Variants in TSHZ2 observed in about 807,000 individuals in gnomAD.
TSHZ2 encodes teashirt homolog 2.
TSHZ2 carries 21 observed loss-of-function variants against 74.4 expected under a neutral mutation model. That is an observed-to-expected ratio of 0.28 (90% CI 0.20 to 0.41). The LOEUF (loss-of-function observed/expected upper bound fraction) is 0.41, where lower values mean the gene tolerates loss of function less well. TSHZ2 is among the 10% of genes least tolerant of loss of function. The pLI is 1.00. For missense variants in TSHZ2, 1,244 were observed against 1,293.5 expected, an observed-to-expected ratio of 0.96 and a Z score of 0.59; for synonymous variants, 540 against 515.3, an observed-to-expected ratio of 1.05 and a Z score of -0.65.
intron 2 of TSHZ2, among the ~76,000 whole-genome samples, chr20:53,333,601 A>G (rs936020064): frequency 2.6e-5 from 4 of 151,976 alleles, no homozygotes; most frequent in African/African-American, 7.3e-5. Context: ...GACTATAGGC[A>G]CCCACCACCA....
chr20:53,347,085 T>C (rs190620704), intron 2 of TSHZ2, among the ~76,000 whole-genome samples: 63 of 152,292 alleles, frequency 4.1e-4, no homozygotes, highest in African/African-American at 1.4e-3. Flanking sequence ...CACCCTACCT[T>C]ATACAAAAGT....
At chr20:53,480,620 A>G (rs528174159) in intron 2 of TSHZ2, among the ~76,000 whole-genome samples, 107 of 152,248 alleles carry the variant, frequency 7.0e-4, no homozygotes, top group Middle Eastern at 3.4e-3. Flanking sequence ...GATGGACAAC[A>G]GCACCTTGTG....
rs1986429030 is a variant in TSHZ2 at position 53,490,884 on chromosome 20, C to A, written c.*3749C>A. 1 of 152,066 alleles carries A rather than the reference C, an allele frequency of 6.6e-6. No homozygotes were observed. The highest frequency in any genetic ancestry group is 2.1e-4 in the South Asian group (1 of 4,832). 9.4% of individuals were successfully genotyped at this position (152,066 alleles called of 1,614,324 possible). A position where few individuals can be genotyped will look rare whatever the true frequency, so the allele number is the denominator to read the frequency against. ...TTTCCAGGGTCTATGGACAATGTGGCAGTAAGAGTCTATGATGTTCTGAAA... is the reference window on the plus strand; with the variant it reads ...TTTCCAGGGTCTATGGACAATGTGGAAGTAAGAGTCTATGATGTTCTGAAA... On this transcript the variant is annotated 3_prime_UTR_variant, in exon 3 of 3. Transcript: ENST00000371497.
In TSHZ2 at chr20:53,488,815, C is replaced by T; in HGVS notation, c.*1680C>T. ...TTGTTTTGGAAATTTTGACATGATC[C>T]CTAAATTCAACATTGGGATTAAAAA... On this transcript the variant is annotated 3_prime_UTR_variant, in exon 3 of 3. Coordinates refer to ENST00000371497, the MANE Select transcript of TSHZ2 (RefSeq NM_173485.6). The T allele has an allele frequency of 6.1e-6, 2 of 330,450 alleles. No homozygotes were observed. Among genetic ancestry groups the T allele is most frequent in the Non-Finnish European group, 1.2e-5 (2 of 169,548 alleles). The allele number at this position is 330,450 out of a possible 1,614,324, so 20.5% of individuals were successfully genotyped here.
intron 2 of TSHZ2, among the ~76,000 whole-genome samples, chr20:53,310,154 C>CT (rs1266387909): frequency 4.6e-5 from 7 of 152,174 alleles, no homozygotes; most frequent in African/African-American, 1.7e-4. Context: ...ACTAAATTGC[C>CT]TTTGCAGGTC....
At chr20:52,977,908 A>AG (rs947049600) in intron 1 of TSHZ2, among the ~76,000 whole-genome samples, 1 of 152,138 alleles carries the variant, frequency 6.6e-6, no homozygotes, top group African/African-American at 2.4e-5. Context: ...ACTTTTGGGG[A>AG]GGGGAGAAAC....
At chr20:53,210,207 T>G (rs1187081792) in intron 1 of TSHZ2, among the ~76,000 whole-genome samples, 1 of 152,220 alleles carries the variant, frequency 6.6e-6, no homozygotes, top group African/African-American at 2.4e-5. Context: ...GTGTGCCGTT[T>G]TAGCCCTGCC....
intron 1 of TSHZ2, among the ~76,000 whole-genome samples, chr20:53,032,734 C>T (rs931837808): frequency 6.6e-6 from 1 of 150,642 alleles, no homozygotes; most frequent in Non-Finnish European, 1.5e-5. Flanking sequence ...TTACTTTTCC[C>T]CATGTCCTGA....
At chr20:53,144,476 T>C (rs1048628177) in intron 1 of TSHZ2, among the ~76,000 whole-genome samples, 11 of 152,216 alleles carry the variant, frequency 7.2e-5, no homozygotes, top group African/African-American at 2.7e-4. Flanking sequence ...TCAGTTACAA[T>C]TTTTGCAAGG....
chr20:53,219,881 A>C (rs1178257848), intron 1 of TSHZ2, among the ~76,000 whole-genome samples: 1 of 152,200 alleles, frequency 6.6e-6, no homozygotes, highest in African/African-American at 2.4e-5. Context: ...GTGGATCCAC[A>C]TTTGGTTCAA....
intron 2 of TSHZ2, among the ~76,000 whole-genome samples, chr20:53,437,865 G>A (rs555229500): frequency 2.0e-5 from 3 of 152,290 alleles, no homozygotes; most frequent in Non-Finnish European, 2.9e-5. Context: ...TCTCTCTTGC[G>A]TGTGATGTGC....
intron 2 of TSHZ2, chr20:53,421,101 C>T (rs1983452207): frequency 6.6e-6 from 1 of 152,272 alleles, no homozygotes; most frequent in Non-Finnish European, 1.5e-5. Context: ...ACTGAGCAGC[C>T]TCTTACTAAA....
chr20:53,293,370 C>T (rs931606622), intron 2 of TSHZ2, among the ~76,000 whole-genome samples: 7 of 151,416 alleles, frequency 4.6e-5, no homozygotes, highest in Admixed American at 2.0e-4. Flanking sequence ...GGCTGAGGCA[C>T]GAGAATTGCT....
intron 1 of TSHZ2, among the ~76,000 whole-genome samples, chr20:53,000,534 C>T (rs1982370736): frequency 6.6e-6 from 1 of 151,470 alleles, no homozygotes. Flanking sequence ...CTGCTCAATC[C>T]AATGTAAAGA....
chr20:53,239,910 T>C (rs893813233), intron 1 of TSHZ2, among the ~76,000 whole-genome samples: 1 of 152,134 alleles, frequency 6.6e-6, no homozygotes, highest in Non-Finnish European at 1.5e-5. Context: ...TATACAAAAC[T>C]ATAAAATGTG....
At chr20:53,239,766 C>T (rs1990022831) in intron 1 of TSHZ2, among the ~76,000 whole-genome samples, 1 of 151,988 alleles carries the variant, frequency 6.6e-6, no homozygotes, top group Admixed American at 6.6e-5. Flanking sequence ...TAATATTTTG[C>T]TATCATAATT....
At chr20:53,103,851 G>T (rs55819222) in intron 1 of TSHZ2, among the ~76,000 whole-genome samples, 6 of 152,224 alleles carry the variant, frequency 3.9e-5, no homozygotes, top group African/African-American at 1.2e-4. Flanking sequence ...AGGAGCTGCC[G>T]CAGGTGGGAC....
chr20:53,462,133 A>G (rs2081645345), intron 2 of TSHZ2, among the ~76,000 whole-genome samples: 1 of 152,142 alleles, frequency 6.6e-6, no homozygotes, highest in African/African-American at 2.4e-5. Context: ...GGGCACCTGT[A>G]ATCTCAGCTG....
intron 2 of TSHZ2, among the ~76,000 whole-genome samples, chr20:53,462,096 GA>G (rs961817490): frequency 2.0e-5 from 3 of 151,526 alleles, no homozygotes; most frequent in East Asian, 1.9e-4. Context: ...AAGAAAAAAA[GA>G]AAAAAAACTA....
Sources: gnomAD v4.1 joint callset for allele counts (sites outside exome capture counted in the v4.1 genomes callset) on GRCh38, gnomAD v4.1.1 for gene constraint, MANE v1.5 for transcripts, NCBI Gene and HGNC (gene_info 2026-07-23, HGNC 2026-07-21) for gene names.